ANO2: variants seen among roughly 807,000 people sequenced by gnomAD.
ANO2 encodes the protein anoctamin-2.
A neutral mutation model predicts 124.2 loss-of-function variants in ANO2; 101 were observed. The observed-to-expected ratio is 0.81, with a 90% CI of 0.69 to 0.96. ANO2 has a LOEUF of 0.96. Among genes scored for constraint, ANO2 ranks in the 40% least tolerant of loss-of-function variants. The pLI, the probability that ANO2 is intolerant of heterozygous loss-of-function variation, is 0.00. For missense variants in ANO2, 1,293 were observed against 1,274.5 expected, an observed-to-expected ratio of 1.01 and a Z score of -0.22; for synonymous variants, 486 against 482.5, an observed-to-expected ratio of 1.01 and a Z score of -0.09.
chr12:5,615,218 G>A lies in ANO2; in HGVS notation c.1896C>T (p.Ser632=). Residue 632 remains serine, a synonymous_variant, in exon 17 of 25, where the codon TCC becomes TCT. Coordinates refer to ENST00000682330, the MANE Select transcript of ANO2 (RefSeq NM_001364791.2). ...AFLLKFVNAY[S]PIFYVAFFKG... is the part of the protein sequence containing the mutation. ...TGAAAAAGGCCACATAGAAGATGGG[G>A]GAGTAGGCATTGACAAACTTGAGCA... 1 of 1,613,728 alleles carries A rather than the reference G, an allele frequency of 6.2e-7. No individual in the cohort carries two copies. The highest frequency in any genetic ancestry group is 1.3e-5 in the African/African-American group (1 of 75,032).
intron 14 of ANO2, among the ~76,000 whole-genome samples, chr12:5,673,783 A>T (rs1948115958): frequency 6.6e-6 from 1 of 152,216 alleles, no homozygotes; most frequent in South Asian, 2.1e-4. Flanking sequence ...CCAGAGAAGC[A>T]GAAACAACAG....
At chr12:5,820,255 AGGGTAACTGTGCATTG>A (rs1953744314) in intron 7 of ANO2, among the ~76,000 whole-genome samples, 1 of 152,120 alleles carries the variant, frequency 6.6e-6, no homozygotes, top group Non-Finnish European at 1.5e-5. Flanking sequence ...GCCTTTTATC[AGGGTAACTGTGCATTG>A]GGGTAACTGT....
intron 1 of ANO2, among the ~76,000 whole-genome samples, chr12:5,941,261 T>C (rs778612867): frequency 6.6e-6 from 1 of 152,208 alleles, no homozygotes; most frequent in African/African-American, 2.4e-5. Context: ...GTATGTGAAT[T>C]GTATCTCAAT....
rs146137103 is a variant in ANO2 at position 5,632,966 on chromosome 12, C to T, written c.1816+2186G>A. Among the ~76,000 whole-genome samples the T allele has an allele frequency of 2.0e-3, 301 of 152,258 alleles. 1 individual carries two copies. The highest frequency in any genetic ancestry group is 7.0e-3 in the African/African-American group (291 of 41,534). On this transcript the variant is annotated intron_variant, in intron 16 of 24. Transcript: ENST00000682330. ...TTTCCCTGCTAAGTAATTTTGCAGA[C>T]AGCTCCCGTCATGCCACGCTCTTAA...
chr12:5,799,591 A>T lies in ANO2; in HGVS notation c.991-20T>A. 6.2e-7 allele frequency: 1 copy of T among 1,611,614 alleles called. No individual in the cohort carries two copies. Among genetic ancestry groups the T allele is most frequent in the African/African-American group, 1.3e-5 (1 of 74,992 alleles). On this transcript the variant is annotated intron_variant, in intron 9 of 24. Transcript: ENST00000682330. ...TAGCAGCTAAACAAAGAAAATAAGG[A>T]AACAGGTTAGAGGTAGAGATGGGAA...
chr12:5,662,423 T>C (rs1299375378), intron 14 of ANO2, among the ~76,000 whole-genome samples: 1 of 152,232 alleles, frequency 6.6e-6, no homozygotes, highest in African/African-American at 2.4e-5. Context: ...GTAATTTTTA[T>C]TTAAAGATTG....
chr12:5,651,577 C>T (rs914942708), intron 14 of ANO2, among the ~76,000 whole-genome samples: 1 of 152,112 alleles, frequency 6.6e-6, no homozygotes, highest in South Asian at 2.1e-4. Context: ...TAGGACACCA[C>T]AGCTGGCTTC....
intron 10 of ANO2, among the ~76,000 whole-genome samples, chr12:5,762,018 A>G (rs1951757775): frequency 6.6e-6 from 1 of 152,168 alleles, no homozygotes; most frequent in Non-Finnish European, 1.5e-5. Context: ...ATAATTGTTA[A>G]GAACAAGTAA....
At chr12:5,686,591 G>A (rs1948716784) in intron 14 of ANO2, among the ~76,000 whole-genome samples, 1 of 152,188 alleles carries the variant, frequency 6.6e-6, no homozygotes, top group South Asian at 2.1e-4. Context: ...TAATCCCAGT[G>A]AAAGTGTGGG....
At chr12:5,842,935 T>G (rs1053967047) in intron 4 of ANO2, among the ~76,000 whole-genome samples, 21 of 152,062 alleles carry the variant, frequency 1.4e-4, no homozygotes, top group African/African-American at 4.3e-4. Context: ...TAAAAAGCAT[T>G]CTGCACTCTT....
intron 10 of ANO2, among the ~76,000 whole-genome samples, chr12:5,783,587 A>G (rs995961504): frequency 3.9e-5 from 6 of 152,162 alleles, no homozygotes; most frequent in Non-Finnish European, 8.8e-5. Flanking sequence ...TCCCATGAAT[A>G]CTCCTGCCGC....
chr12:5,758,976 G>A (rs1276948186), intron 10 of ANO2, among the ~76,000 whole-genome samples: 1 of 151,982 alleles, frequency 6.6e-6, no homozygotes, highest in Non-Finnish European at 1.5e-5. Flanking sequence ...TACAAAAGAT[G>A]TATCAAAAGA....
intron 17 of ANO2, among the ~76,000 whole-genome samples, chr12:5,613,489 G>A (rs762290254): frequency 1.6e-4 from 24 of 152,182 alleles, no homozygotes; most frequent in Non-Finnish European, 3.4e-4. Context: ...CCTCTTCTAA[G>A]TAGAGTCTAT....
At chr12:5,604,465 T>C (rs1350238871) in intron 19 of ANO2, among the ~76,000 whole-genome samples, 1 of 152,074 alleles carries the variant, frequency 6.6e-6, no homozygotes, top group African/African-American at 2.4e-5. Flanking sequence ...GAATGAGCAA[T>C]GCCAACTATG....
At chr12:5,667,751 T>C (rs1947799665) in intron 14 of ANO2, among the ~76,000 whole-genome samples, 1 of 152,192 alleles carries the variant, frequency 6.6e-6, no homozygotes, top group Non-Finnish European at 1.5e-5. Context: ...CCTCCCTGTG[T>C]CCATGTGTTC....
At chr12:5,829,481 C>G (rs898500827) in intron 6 of ANO2, among the ~76,000 whole-genome samples, 1 of 152,172 alleles carries the variant, frequency 6.6e-6, no homozygotes, top group East Asian at 1.9e-4. Flanking sequence ...TGGGAAATAG[C>G]CTAGCCTCCT....
intron 15 of ANO2, among the ~76,000 whole-genome samples, chr12:5,643,938 T>G (rs1387994621): frequency 6.6e-6 from 1 of 152,230 alleles, no homozygotes; most frequent in African/African-American, 2.4e-5. Flanking sequence ...TTGAGAGTTA[T>G]AGTTGTTGCA....
chr12:5,664,006 T>C (rs1947574658), intron 14 of ANO2, among the ~76,000 whole-genome samples: 2 of 152,220 alleles, frequency 1.3e-5, no homozygotes, highest in African/African-American at 2.4e-5. Context: ...AGTTGTGATA[T>C]AGCCATGGCC....
rs199925639 is a variant in ANO2 at position 5,929,656 on chromosome 12, T to TC, written c.23-6853_23-6852insG. 1.6e-4 allele frequency among the ~76,000 whole-genome samples: 17 copies of TC among 104,564 alleles called. 1 individual carries two copies. The highest frequency in any genetic ancestry group is 2.4e-4 in the African/African-American group (6 of 24,494). 68.6% of individuals were successfully genotyped at this position (104,564 alleles called of 152,430 possible). A position where few individuals can be genotyped will look rare whatever the true frequency, so the allele number is the denominator to read the frequency against. ...TCCTTCCTTACTAGTCTACCTTCTT[T>TC]ATTAGTCACTTTCTTACCAGTCTTC... On this transcript the variant is annotated intron_variant, in intron 1 of 24. Coordinates refer to ENST00000682330, the MANE Select transcript of ANO2 (RefSeq NM_001364791.2).
Sources: allele counts gnomAD v4.1 joint callset (sites outside exome capture counted in the v4.1 genomes callset), GRCh38; gene constraint gnomAD v4.1.1; transcripts MANE v1.5; gene names NCBI Gene and HGNC (gene_info 2026-07-23, HGNC 2026-07-21).